Variants in NWD1 observed in about 807,000 individuals in gnomAD.
NWD1 encodes NACHT and WD repeat domain containing 1.
Under a neutral mutation model 135.1 loss-of-function variants are expected in NWD1, and 129 were observed. The observed-to-expected ratio is 0.96, with a 90% CI of 0.83 to 1.11. The LOEUF is 1.11. Ranked by LOEUF, NWD1 falls within the 50% of genes least tolerant of loss-of-function variation. The pLI is 0.00. For missense variants in NWD1, 1,740 were observed against 1,851.3 expected, an observed-to-expected ratio of 0.94 and a Z score of 1.10; for synonymous variants, 773 against 786.0, an observed-to-expected ratio of 0.98 and a Z score of 0.28.
intron 4 of NWD1, among the ~76,000 whole-genome samples, chr19:16,740,058 A>G (rs915372475): frequency 5.9e-5 from 9 of 151,874 alleles, no homozygotes; most frequent in African/African-American, 2.2e-4. Context: ...GCGCTTTGAG[A>G]GGCTAAAGCC....
intron 12 of NWD1, among the ~76,000 whole-genome samples, chr19:16,780,853 C>G (rs1969829411): frequency 6.6e-6 from 1 of 151,976 alleles, no homozygotes; most frequent in Non-Finnish European, 1.5e-5. Context: ...GAGACAGGGT[C>G]TCACTATGTT....
intron 1 of NWD1, among the ~76,000 whole-genome samples, chr19:16,724,027 A>G (rs1967235860): frequency 6.6e-6 from 1 of 152,082 alleles, no homozygotes; most frequent in South Asian, 2.1e-4. Context: ...TCTGAGTCCT[A>G]AGGAATCATG....
chr19:16,810,416 C>T (rs1429506447), intron 18 of NWD1, among the ~76,000 whole-genome samples: 30 of 127,048 alleles, frequency 2.4e-4, no homozygotes, highest in African/African-American at 8.1e-4. Flanking sequence ...CCAGCCTGGG[C>T]GACAGAGTGA....
rs1568382160 is a variant in NWD1 at position 16,789,169 on chromosome 19, G to A, written c.2919G>A (p.Val973=). The A allele has an allele frequency of 5.0e-6, 8 of 1,613,996 alleles. No individual in the cohort carries two copies. Among genetic ancestry groups the A allele is most frequent in the Non-Finnish European group, 6.8e-6 (8 of 1,179,874 alleles). ...ATGTGGATGAGGCACACAAAGTTGTGTATTCAGCATCTGGCTCAAAGGTAA... is the reference window on the plus strand; with the variant it reads ...ATGTGGATGAGGCACACAAAGTTGTATATTCAGCATCTGGCTCAAAGGTAA... ...NLHVDEAHKV[V]YSASGSKINA... Residue 973 remains valine, a synonymous_variant, in exon 13 of 19, where the codon GTG becomes GTA. Coordinates refer to ENST00000524140, the MANE Select transcript of NWD1 (RefSeq NM_001007525.5).
chr19:16,756,342 C>T (rs1968796754), intron 6 of NWD1, among the ~76,000 whole-genome samples: 1 of 152,098 alleles, frequency 6.6e-6, no homozygotes, highest in East Asian at 1.9e-4. Context: ...TTGTCATCTT[C>T]ACATTGAGTA....
At chr19:16,781,849 T>C (rs1239921416) in intron 12 of NWD1, among the ~76,000 whole-genome samples, 1 of 151,928 alleles carries the variant, frequency 6.6e-6, no homozygotes, top group Non-Finnish European at 1.5e-5. Context: ...TCTCAGCACT[T>C]TGGGAGGCCT....
intron 12 of NWD1, among the ~76,000 whole-genome samples, chr19:16,784,357 C>A (rs1049066953): frequency 1.3e-5 from 2 of 151,852 alleles, no homozygotes; most frequent in African/African-American, 4.8e-5. Flanking sequence ...CACAGCCAGA[C>A]CCGTATCTCT....
At chr19:16,787,904 A>AATAATCATC (rs1283683765) in intron 12 of NWD1, among the ~76,000 whole-genome samples, 1 of 121,042 alleles carries the variant, frequency 8.3e-6, no homozygotes, top group African/African-American at 3.2e-5. Context: ...TAATAATAAT[A>AATAATCATC]ATCATCATCA....
intron 12 of NWD1, among the ~76,000 whole-genome samples, chr19:16,785,035 G>A (rs1969991810): frequency 6.6e-6 from 1 of 152,044 alleles, no homozygotes; most frequent in Non-Finnish European, 1.5e-5. Flanking sequence ...CTAATCCACA[G>A]AGACAGGAGA....
At chr19:16,738,723 A>C (rs895280888) in intron 4 of NWD1, among the ~76,000 whole-genome samples, 4 of 143,678 alleles carry the variant, frequency 2.8e-5, no homozygotes, top group Admixed American at 1.4e-4. Flanking sequence ...AAACATATAT[A>C]TATAATCTAT....
chr19:16,738,003 A>AAGAAAAGAAAAGAAAAGAAGAAAAG (rs1568339424), intron 4 of NWD1, among the ~76,000 whole-genome samples: 1 of 138,066 alleles, frequency 7.2e-6, no homozygotes, highest in Non-Finnish European at 1.6e-5. Context: ...AAGAAAAGAA[A>AAGAAAAGAAAAGAAAAGAAGAAAAG]AGAAAAGAAA....
intron 18 of NWD1, among the ~76,000 whole-genome samples, chr19:16,810,495 C>T (rs558280875): frequency 3.1e-4 from 47 of 150,168 alleles, no homozygotes; most frequent in African/African-American, 1.0e-3. Context: ...AGATTAGGCA[C>T]AGCAACTCAT....
chr19:16,770,416 C>T (rs917924322), intron 10 of NWD1, among the ~76,000 whole-genome samples: 1 of 152,136 alleles, frequency 6.6e-6, no homozygotes, highest in Non-Finnish European at 1.5e-5. Flanking sequence ...TTCCTGAGGC[C>T]TCCCCAGCCC....
At chr19:16,740,101 A>G (rs1968018103) in intron 4 of NWD1, among the ~76,000 whole-genome samples, 1 of 151,794 alleles carries the variant, frequency 6.6e-6, no homozygotes, top group African/African-American at 2.4e-5. Flanking sequence ...GTTCAAGACC[A>G]GCCTGGGCAA....
At chr19:16,737,584 G>C (rs1489312545) in intron 4 of NWD1, among the ~76,000 whole-genome samples, 1 of 145,452 alleles carries the variant, frequency 6.9e-6, no homozygotes, top group African/African-American at 2.5e-5. Context: ...TTTTTTTTGA[G>C]ATGGGTCTTG....
intron 6 of NWD1, among the ~76,000 whole-genome samples, chr19:16,755,686 C>CATTATTTATTTA: frequency 1.0e-5 from 1 of 95,946 alleles, no homozygotes; most frequent in Non-Finnish European, 2.2e-5. Context: ...CCACATCCAG[C>CATTATTTATTTA]CTTATTTATT....
chr19:16,761,893 T>C (rs980845983), intron 7 of NWD1, 86 bp from the exon 8 acceptor site: 9 of 1,146,462 alleles, frequency 7.9e-6, no homozygotes, highest in Admixed American at 2.0e-5. Flanking sequence ...GGCTTGGGAT[T>C]TGGGAACTGC....
chr19:16,788,758 T>C (rs552755579), intron 12 of NWD1, among the ~76,000 whole-genome samples: 4 of 152,242 alleles, frequency 2.6e-5, no homozygotes, highest in African/African-American at 9.6e-5. Context: ...TTATTAGGCA[T>C]ACAAGCGTGA....
At chr19:16,730,384 T>C (rs1266011548) in intron 2 of NWD1, among the ~76,000 whole-genome samples, 1 of 151,824 alleles carries the variant, frequency 6.6e-6, no homozygotes, top group African/African-American at 2.4e-5. Flanking sequence ...TTATTTATTG[T>C]GCCCCTTGGT....
Sources: allele counts gnomAD v4.1 joint callset (sites outside exome capture counted in the v4.1 genomes callset), GRCh38; gene constraint gnomAD v4.1.1; transcripts MANE v1.5; gene names NCBI Gene and HGNC (gene_info 2026-07-23, HGNC 2026-07-21).